The following ROBO1 variants were observed in gnomAD, a reference collection of about 807,000 sequenced individuals.
ROBO1 encodes the protein roundabout homolog 1.
ROBO1 carries 149 observed loss-of-function variants against 195.9 expected under a neutral mutation model. The ratio of observed to expected loss-of-function variants is 0.76; its 90% CI spans 0.67 to 0.87. The LOEUF (loss-of-function observed/expected upper bound fraction) is 0.87. Ranked by LOEUF, ROBO1 falls within the 40% of genes least tolerant of loss-of-function variation. The pLI, the probability that ROBO1 is intolerant of heterozygous loss-of-function variation, is 0.00. For missense variants in ROBO1, 1,933 were observed against 2,068.3 expected (o/e 0.93, Z 1.27); for synonymous variants, 816 against 733.2 (o/e 1.11, Z -1.82).
chr3:79,237,397 C>G lies in ROBO1; in HGVS notation c.89-111858G>C, dbSNP rs181231572. ...TCGGGAGGCTGAGGCAGGAGAATGG[C>G]GGGAACCCAGGAGGCGGAGCTTGCA... On this transcript the variant is annotated intron_variant, in intron 2 of 30. Transcript: ENST00000464233. Among the ~76,000 whole-genome samples, 41 of 151,798 alleles carry G rather than the reference C, an allele frequency of 2.7e-4. 1 individual carries two copies. The East Asian group carries it at 7.8e-3, about 29-fold the overall frequency.
At chr3:79,540,977 A>G (rs1231071846) in intron 2 of ROBO1, among the ~76,000 whole-genome samples, 1 of 152,076 alleles carries the variant, frequency 6.6e-6, no homozygotes, top group Non-Finnish European at 1.5e-5. Flanking sequence ...CTTTTTTTAG[A>G]CTTAATAGAT....
At chr3:79,684,521 A>G (rs2107007031) in intron 1 of ROBO1, among the ~76,000 whole-genome samples, 1 of 152,130 alleles carries the variant, frequency 6.6e-6, no homozygotes, top group African/African-American at 2.4e-5. Flanking sequence ...GATTTAAAGT[A>G]TTTGCGCAGT....
At chr3:79,320,893 G>A (rs62259734) in intron 2 of ROBO1, among the ~76,000 whole-genome samples, 2,750 of 152,134 alleles carry the variant, frequency 0.018, 35 homozygotes, top group Non-Finnish European at 0.028. Flanking sequence ...GTAGAATTTG[G>A]TTACATTTGT....
At chr3:79,124,626 G>A (rs1158408172) in intron 3 of ROBO1, among the ~76,000 whole-genome samples, 1 of 152,048 alleles carries the variant, frequency 6.6e-6, no homozygotes, top group Non-Finnish European at 1.5e-5. Context: ...AAAGTCTATG[G>A]AGAACTGTGT....
chr3:78,665,741 C>A (rs1364707359), intron 14 of ROBO1, among the ~76,000 whole-genome samples: 1 of 152,016 alleles, frequency 6.6e-6, no homozygotes, highest in Non-Finnish European at 1.5e-5. Context: ...TGTTTAGCCC[C>A]ATTTTATAGG....
intron 26 of ROBO1, among the ~76,000 whole-genome samples, chr3:78,626,009 G>T (rs1304973081): frequency 6.6e-6 from 1 of 151,942 alleles, no homozygotes; most frequent in African/African-American, 2.4e-5. Context: ...AAGGAAAACC[G>T]ATTTCTGTTA....
At chr3:78,909,118 G>A (rs1481260427) in intron 4 of ROBO1, among the ~76,000 whole-genome samples, 1 of 151,716 alleles carries the variant, frequency 6.6e-6, no homozygotes, top group African/African-American at 2.4e-5. Context: ...GACTTATGGA[G>A]CTCTCCATTG....
At chr3:79,578,491 T>C (rs1576059489) in intron 2 of ROBO1, among the ~76,000 whole-genome samples, 1 of 152,214 alleles carries the variant, frequency 6.6e-6, no homozygotes, top group African/African-American at 2.4e-5. Flanking sequence ...CACTATTTAA[T>C]TGACAAATCT....
chr3:79,646,424 C>T (rs1208976652), intron 1 of ROBO1, among the ~76,000 whole-genome samples: 2 of 151,992 alleles, frequency 1.3e-5, no homozygotes, highest in African/African-American at 4.8e-5. Flanking sequence ...TACTAACGAG[C>T]ATGTGGAGAA....
chr3:78,991,532 C>A (rs1259125094), intron 3 of ROBO1, among the ~76,000 whole-genome samples: 1 of 152,142 alleles, frequency 6.6e-6, no homozygotes, highest in Non-Finnish European at 1.5e-5. Flanking sequence ...AATAGCTGAC[C>A]CTTTCCCAGT....
At chr3:78,859,250 G>T (rs563477192) in intron 4 of ROBO1, among the ~76,000 whole-genome samples, 20 of 152,288 alleles carry the variant, frequency 1.3e-4, no homozygotes, top group Admixed American at 1.0e-3. Context: ...TGAAGCTTAG[G>T]TTTTGAAGAA....
intron 2 of ROBO1, among the ~76,000 whole-genome samples, chr3:79,587,877 A>G (rs1374164990): frequency 6.6e-6 from 1 of 151,762 alleles, no homozygotes; most frequent in Non-Finnish European, 1.5e-5. Flanking sequence ...CAGTTATGAA[A>G]ATGACTTCCA....
chr3:78,769,991 G>A (rs1167265344), intron 4 of ROBO1, among the ~76,000 whole-genome samples: 2 of 152,120 alleles, frequency 1.3e-5, no homozygotes, highest in African/African-American at 4.8e-5. Flanking sequence ...TGGTGCTTCT[G>A]TCTCACAGCT....
rs547615019 is a variant in ROBO1, at chr3:79,120,667, G to C, written c.172+4789C>G. On this transcript the variant is annotated intron_variant, in intron 3 of 30. Transcript: ENST00000464233. ...AAATATGAAGGGTTTAATGAGGGAG[G>C]TGTCAGAGAAAATCACAGATTGATG... is the stretch of plus-strand genomic sequence containing the variant. Among the ~76,000 whole-genome samples, 21 of 152,052 alleles carry C rather than the reference G, an allele frequency of 1.4e-4. 1 individual carries two copies. Among genetic ancestry groups the C allele is most frequent in the African/African-American group, 4.8e-4 (20 of 41,504 alleles).
chr3:79,721,114 G>A (rs150060080), intron 1 of ROBO1, among the ~76,000 whole-genome samples: 1 of 152,194 alleles, frequency 6.6e-6, no homozygotes, highest in Non-Finnish European at 1.5e-5. Context: ...AATTTAATGA[G>A]AACTTGTGAA....
At chr3:79,230,995 G>T (rs143511996) in intron 2 of ROBO1, among the ~76,000 whole-genome samples, 1 of 152,138 alleles carries the variant, frequency 6.6e-6, no homozygotes, top group African/African-American at 2.4e-5. Flanking sequence ...AATAAATGGT[G>T]CTGGGATAAC....
At chr3:79,026,564 C>T (rs1273713555) in intron 3 of ROBO1, among the ~76,000 whole-genome samples, 1 of 151,870 alleles carries the variant, frequency 6.6e-6, no homozygotes, top group Admixed American at 6.6e-5. Context: ...TTTCTTTTAA[C>T]TCTAATGAGA....
At chr3:79,251,339 A>G (rs1006726204) in intron 2 of ROBO1, among the ~76,000 whole-genome samples, 2 of 152,210 alleles carry the variant, frequency 1.3e-5, no homozygotes, top group African/African-American at 4.8e-5. Context: ...ACTTTTGGAA[A>G]TATTTCCTAA....
intron 2 of ROBO1, among the ~76,000 whole-genome samples, chr3:79,460,743 CTTTT>C (rs1376858122): frequency 6.6e-6 from 1 of 151,988 alleles, no homozygotes; most frequent in African/African-American, 2.4e-5. Context: ...GTATTTTTTT[CTTTT>C]TTCCTTTTTT....
Sources: gnomAD v4.1 joint callset for allele counts (sites outside exome capture counted in the v4.1 genomes callset) on GRCh38, gnomAD v4.1.1 for gene constraint, MANE v1.5 for transcripts, NCBI Gene and HGNC (gene_info 2026-07-23, HGNC 2026-07-21) for gene names.